Variants in ZCWPW2 observed in about 807,000 individuals in gnomAD.
ZCWPW2 encodes the protein zinc finger CW-type and PWWP domain containing 2, also known as zinc finger CW-type PWWP domain protein 2.
A neutral mutation model predicts 46.6 loss-of-function variants in ZCWPW2; 45 were observed. That is an observed-to-expected ratio of 0.96 (90% CI 0.76 to 1.24). The LOEUF is 1.24. Ranked by LOEUF, ZCWPW2 falls within the 50% of genes most tolerant of loss-of-function variation. The probability of loss-of-function intolerance (pLI) is 0.00; values close to 1 mark genes in which losing one functional copy is unlikely to be tolerated. For synonymous variants in ZCWPW2, 152 were observed against 137.1 expected (o/e 1.11, Z -0.76); for missense variants, 429 against 403.9 (o/e 1.06, Z -0.53).
intron 1 of ZCWPW2, among the ~76,000 whole-genome samples, chr3:28,381,888 G>A (rs1317275575): frequency 6.6e-6 from 1 of 152,162 alleles, no homozygotes; most frequent in African/African-American, 2.4e-5. Context: ...AATTTGGCCA[G>A]GCGTGGTGGT....
At chr3:28,361,866 C>G (rs1050584322) in intron 1 of ZCWPW2, among the ~76,000 whole-genome samples, 1 of 151,728 alleles carries the variant, frequency 6.6e-6, no homozygotes, top group East Asian at 1.9e-4. Flanking sequence ...TTTTTAAAGG[C>G]AGAAAGTAAG....
At chr3:28,460,742 G>T (rs1311111999) in intron 4 of ZCWPW2, among the ~76,000 whole-genome samples, 1 of 152,142 alleles carries the variant, frequency 6.6e-6, no homozygotes, top group Non-Finnish European at 1.5e-5. Flanking sequence ...AAGTGAAAAC[G>T]ATCTGCCCAA....
chr3:28,384,904 C>A (rs1349170183), intron 1 of ZCWPW2, among the ~76,000 whole-genome samples: 1 of 152,204 alleles, frequency 6.6e-6, no homozygotes, highest in Non-Finnish European at 1.5e-5. Context: ...GCGTGAGCCA[C>A]CGTGCCCGGC....
intron 3 of ZCWPW2, among the ~76,000 whole-genome samples, chr3:28,428,842 A>G (rs1310166603): frequency 6.6e-6 from 1 of 152,080 alleles, no homozygotes; most frequent in Non-Finnish European, 1.5e-5. Flanking sequence ...TCATGTGAAG[A>G]AGGATGTGTT....
chr3:28,357,445 G>A (rs1320568081), intron 1 of ZCWPW2, among the ~76,000 whole-genome samples: 1 of 152,100 alleles, frequency 6.6e-6, no homozygotes, highest in African/African-American at 2.4e-5. Context: ...ATGTCTTTGA[G>A]TGTCTTTAGA....
chr3:28,373,669 T>C (rs2125704136), intron 1 of ZCWPW2, among the ~76,000 whole-genome samples: 1 of 152,078 alleles, frequency 6.6e-6, no homozygotes, highest in Non-Finnish European at 1.5e-5. Flanking sequence ...AGAGATGGGG[T>C]TTCACCATCT....
chr3:28,472,890 A>G (rs769622511), intron 4 of ZCWPW2, among the ~76,000 whole-genome samples: 4 of 150,784 alleles, frequency 2.7e-5, no homozygotes, highest in Non-Finnish European at 4.4e-5. Context: ...AAAAAAAACA[A>G]ACTAATAATC....
chr3:28,492,001 C>A (rs1409623175), intron 5 of ZCWPW2, 126 bp from the exon 6 acceptor site: 1 of 905,580 alleles, frequency 1.1e-6, no homozygotes, highest in African/African-American at 1.7e-5. Context: ...ATTAAAGGGA[C>A]AACGGGAACA....
chr3:28,352,908 G>A (rs1464628534), intron 1 of ZCWPW2, among the ~76,000 whole-genome samples: 2 of 152,026 alleles, frequency 1.3e-5, no homozygotes, highest in Non-Finnish European at 2.9e-5. Flanking sequence ...TATAGGCCAG[G>A]CACAGTGGCT....
intron 1 of ZCWPW2, among the ~76,000 whole-genome samples, chr3:28,361,457 C>G (rs1704941714): frequency 6.6e-6 from 1 of 151,888 alleles, no homozygotes; most frequent in African/African-American, 2.4e-5. Context: ...AGGGGAAGAG[C>G]TTCATAACAT....
chr3:28,456,238 T>C (rs1698416928), intron 4 of ZCWPW2, among the ~76,000 whole-genome samples: 4 of 152,190 alleles, frequency 2.6e-5, no homozygotes, highest in Admixed American at 2.0e-4. Context: ...TTATTCTTTT[T>C]ATGGCAATTG....
intron 6 of ZCWPW2, among the ~76,000 whole-genome samples, chr3:28,505,287 G>C (rs1700245956): frequency 6.6e-6 from 1 of 152,172 alleles, no homozygotes; most frequent in Non-Finnish European, 1.5e-5. Context: ...GGAACGGCAA[G>C]ATATTTATAA....
chr3:28,413,445 AG>A (rs1283475455), intron 3 of ZCWPW2, 45 bp downstream of exon 3: 1 of 1,462,042 alleles, frequency 6.8e-7, no homozygotes, highest in Non-Finnish European at 9.2e-7. Flanking sequence ...TAGTCTTGCT[AG>A]GTTTATGAAT....
At chr3:28,352,126 G>GCACGCA (rs1704574619) in intron 1 of ZCWPW2, among the ~76,000 whole-genome samples, 1 of 129,606 alleles carries the variant, frequency 7.7e-6, no homozygotes, top group Non-Finnish European at 1.6e-5. Context: ...TCAGATGTAT[G>GCACGCA]CACACACACA....
chr3:28,396,883 C>G (rs1043633130), intron 2 of ZCWPW2, among the ~76,000 whole-genome samples: 1 of 152,112 alleles, frequency 6.6e-6, no homozygotes, highest in Non-Finnish European at 1.5e-5. Context: ...AATCCCAGCA[C>G]TTTTGGAGGC....
At chr3:28,485,086 A>T (rs189020318) in intron 5 of ZCWPW2, among the ~76,000 whole-genome samples, 83 of 151,212 alleles carry the variant, frequency 5.5e-4, no homozygotes, top group Non-Finnish European at 5.9e-5. Context: ...CATGATTGAT[A>T]AGTTGCACTT....
intron 1 of ZCWPW2, among the ~76,000 whole-genome samples, chr3:28,367,767 T>G (rs146887401): frequency 6.6e-6 from 1 of 152,196 alleles, no homozygotes; most frequent in African/African-American, 2.4e-5. Flanking sequence ...CCATTATTAT[T>G]GTGTGGGAGT....
chr3:28,413,214 C>T lies in ZCWPW2; in HGVS notation c.146C>T (p.Ser49Leu). ...TGGAGATTGTTATCAAGTGAGGATT[C>T]AGCCAAGGTTGATCATGATGAACCA... ...LKWRLLSSED[S>L]AKVDHDEPWY... is the part of the protein sequence containing the mutation. The change falls in exon 3 of 10, where the codon TCA (serine) becomes TTA (leucine). Residue 49 changes from serine (S) to leucine (L), a missense_variant. Transcript: ENST00000383768. 6.2e-7 allele frequency: 1 copy of T among 1,613,388 alleles called. No individual in the cohort carries two copies. Among genetic ancestry groups the T allele is most frequent in the Non-Finnish European group, 8.5e-7 (1 of 1,179,558 alleles).
chr3:28,469,167 T>A (rs1247974328), intron 4 of ZCWPW2, among the ~76,000 whole-genome samples: 1 of 152,092 alleles, frequency 6.6e-6, no homozygotes, highest in Non-Finnish European at 1.5e-5. Flanking sequence ...CTTAAAATAA[T>A]GGGTTATAAT....
Sources: gnomAD v4.1 joint callset for allele counts (sites outside exome capture counted in the v4.1 genomes callset) on GRCh38, gnomAD v4.1.1 for gene constraint, MANE v1.5 for transcripts, NCBI Gene and HGNC (gene_info 2026-07-23, HGNC 2026-07-21) for gene names.